CA5A: variants seen among roughly 807,000 people sequenced by gnomAD.
CA5A encodes carbonic anhydrase 5A, mitochondrial.
A neutral mutation model predicts 37.1 loss-of-function variants in CA5A; 28 were observed. That is an observed-to-expected ratio of 0.75 (90% CI 0.56 to 1.03). CA5A has a LOEUF of 1.03. Ranked by LOEUF, CA5A falls within the 50% of genes least tolerant of loss-of-function variation. The pLI is 0.00. For synonymous variants in CA5A, 171 were observed against 158.4 expected (o/e 1.08, Z -0.60); for missense variants, 444 against 399.9 (o/e 1.11, Z -0.94).
chr16:87,891,740 C>T, intron 6 of CA5A, 59 bp downstream of exon 6: 3 of 1,393,934 alleles, frequency 2.2e-6, no homozygotes, highest in Non-Finnish European at 1.9e-6. Flanking sequence ...AGTGACGCTG[C>T]CAAGCAAGAG....
At chr16:87,904,084 G>C (rs2055921637) in intron 3 of CA5A, among the ~76,000 whole-genome samples, 1 of 152,166 alleles carries the variant, frequency 6.6e-6, no homozygotes, top group African/African-American at 2.4e-5. Context: ...GCTCACGCCT[G>C]TTATCCTAGC....
intron 6 of CA5A, among the ~76,000 whole-genome samples, chr16:87,890,648 C>G (rs1251321054): frequency 6.6e-6 from 1 of 152,148 alleles, no homozygotes; most frequent in Non-Finnish European, 1.5e-5. Flanking sequence ...CAGAGTGTCA[C>G]TCTGTCACCC....
At chr16:87,902,090 A>C in intron 4 of CA5A, 116 bp from the exon 5 acceptor site, 93 of 910,356 alleles carry the variant, frequency 1.0e-4, no homozygotes, top group Non-Finnish European at 1.6e-4. Flanking sequence ...GCGGTGGCTC[A>C]TGCCTGTGAT....
chr16:87,924,649 C>A (rs2056277616), intron 2 of CA5A, among the ~76,000 whole-genome samples: 1 of 152,248 alleles, frequency 6.6e-6, no homozygotes, highest in African/African-American at 2.4e-5. Flanking sequence ...CATGACGAAG[C>A]TGGGACGCAG....
intron 5 of CA5A, among the ~76,000 whole-genome samples, chr16:87,895,316 C>T (rs1221705061): frequency 1.1e-4 from 17 of 152,094 alleles, no homozygotes; most frequent in Admixed American, 9.2e-4. Context: ...GAGGCCGAGG[C>T]GGATGGATCA....
In CA5A at chr16:87,933,973, G is replaced by A. The variant is rs140251720; in HGVS notation, c.142+2336C>T. Among the ~76,000 whole-genome samples, 854 of 152,290 alleles carry A rather than the reference G, an allele frequency of 5.6e-3. 6 individuals are homozygous for A. The highest frequency in any genetic ancestry group is 0.027 in the Middle Eastern group (8 of 294). On this transcript the variant is annotated intron_variant, in intron 1 of 6. Transcript: ENST00000649794. ...CATGGTGTAAATGGATTTAGGTGCC[G>A]ATACAGAATATGACTCTCTCTAGCA...
At chr16:87,928,246 C>T (rs1335178679) in intron 1 of CA5A, among the ~76,000 whole-genome samples, 2 of 152,174 alleles carry the variant, frequency 1.3e-5, no homozygotes, top group African/African-American at 4.8e-5. Flanking sequence ...TCACTGCAGC[C>T]TTGAACCCCT....
intron 5 of CA5A, among the ~76,000 whole-genome samples, chr16:87,896,206 C>T (rs1006420574): frequency 1.3e-5 from 2 of 152,244 alleles, no homozygotes; most frequent in Non-Finnish European, 2.9e-5. Context: ...AGGCCTGGCC[C>T]GTTCCGAGGT....
intron 2 of CA5A, among the ~76,000 whole-genome samples, chr16:87,924,793 G>C (rs901696795): frequency 6.6e-6 from 1 of 152,020 alleles, no homozygotes; most frequent in African/African-American, 2.4e-5. Context: ...CGTCCCGCTT[G>C]TTGGTCCCGC....
At chr16:87,914,553 C>T (rs1475258210) in intron 2 of CA5A, among the ~76,000 whole-genome samples, 3 of 152,158 alleles carry the variant, frequency 2.0e-5, no homozygotes, top group African/African-American at 7.2e-5. Context: ...GCCGTCTGAA[C>T]ACAGCTAGAG....
At chr16:87,893,151 T>C (rs571851009) in intron 5 of CA5A, 1 of 472,124 alleles carries the variant, frequency 2.1e-6, no homozygotes, top group East Asian at 3.7e-5. Context: ...TCTTTCTTTT[T>C]TTTTTCAGAC....
At chr16:87,921,283 A>G (rs2056225988) in intron 2 of CA5A, among the ~76,000 whole-genome samples, 2 of 152,150 alleles carry the variant, frequency 1.3e-5, no homozygotes, top group Admixed American at 1.3e-4. Context: ...AGGAACTTAA[A>G]CTGATTTTAA....
chr16:87,921,608 C>T (rs2144044624), intron 2 of CA5A, among the ~76,000 whole-genome samples: 1 of 152,364 alleles, frequency 6.6e-6, no homozygotes, highest in South Asian at 2.1e-4. Flanking sequence ...GGTCCCCACC[C>T]ACTCCTGTTT....
chr16:87,915,342 G>T (rs182993919), intron 2 of CA5A, among the ~76,000 whole-genome samples: 1 of 151,948 alleles, frequency 6.6e-6, no homozygotes, highest in African/African-American at 2.4e-5. Context: ...TTGAAAAAGC[G>T]ATGTACCCAC....
At chr16:87,904,466 G>A (rs1479847199) in intron 3 of CA5A, among the ~76,000 whole-genome samples, 4 of 152,236 alleles carry the variant, frequency 2.6e-5, no homozygotes, top group African/African-American at 9.7e-5. Context: ...ACAGCTGCAA[G>A]CACACAGCTG....
At chr16:87,907,844 T>C (rs2055988249) in intron 2 of CA5A, among the ~76,000 whole-genome samples, 1 of 152,172 alleles carries the variant, frequency 6.6e-6, no homozygotes, top group East Asian at 1.9e-4. Context: ...GAGAATTGCT[T>C]GAACTTGGCA....
At position 87,918,441 on chromosome 16, in the gene CA5A, G is replaced by A. The variant is rs376362196; in HGVS notation, c.340+8307C>T. The stretch of plus-strand genomic sequence containing the variant: ...CTCCTTGGCCTTCAAGGCCATACAC[G>A]CTCCCTGGAAAGAGCCCTTGCCGCC... On this transcript the variant is annotated intron_variant, in intron 2 of 6. Coordinates refer to ENST00000649794, the MANE Select transcript of CA5A (RefSeq NM_001739.2). Among the ~76,000 whole-genome samples, 30 of 135,624 alleles carry A rather than the reference G, an allele frequency of 2.2e-4. 2 individuals are homozygous for A. Among genetic ancestry groups the A allele is most frequent in the African/African-American group, 8.1e-4 (28 of 34,606 alleles). The allele number at this position is 135,624 out of a possible 152,430, so 89.0% of individuals were successfully genotyped here. A position where few individuals can be genotyped will look rare whatever the true frequency, so the allele number is the denominator to read the frequency against.
chr16:87,924,753 G>A (rs1409426938), intron 2 of CA5A, among the ~76,000 whole-genome samples: 2 of 152,262 alleles, frequency 1.3e-5, no homozygotes, highest in Non-Finnish European at 2.9e-5. Flanking sequence ...CATGCACAGC[G>A]AGAGGGCATG....
intron 2 of CA5A, 32 bp downstream of exon 2, chr16:87,926,716 G>A (rs1387085824): frequency 6.4e-6 from 10 of 1,574,416 alleles, no homozygotes; most frequent in East Asian, 4.5e-5. Context: ...AACGGGAGAG[G>A]ACAAAGCCCT....
Sources: allele counts gnomAD v4.1 joint callset (sites outside exome capture counted in the v4.1 genomes callset), GRCh38; gene constraint gnomAD v4.1.1; transcripts MANE v1.5; gene names NCBI Gene and HGNC (gene_info 2026-07-23, HGNC 2026-07-21).